The following QTMAN variants were observed in gnomAD, a reference collection of about 807,000 sequenced individuals.
QTMAN encodes the protein queuosine-tRNA mannosyltransferase, also known as tRNA-queuosine alpha-mannosyltransferase.
chr2:144,111,061 G>A, the QTMAN span, among the ~76,000 whole-genome samples: 1 of 152,182 alleles, frequency 6.6e-6, no homozygotes, highest in South Asian at 2.1e-4. Flanking sequence ...GCCAAGAGCA[G>A]TTTCTTCACC....
chr2:144,281,374 T>C, the QTMAN span, among the ~76,000 whole-genome samples: 1 of 107,710 alleles, frequency 9.3e-6, no homozygotes, highest in East Asian at 3.1e-4. Flanking sequence ...TACAAGACTC[T>C]CCATAGCAGC....
the QTMAN span, chr2:144,005,671 A>C: frequency 6.6e-6 from 1 of 152,282 alleles, no homozygotes; most frequent in East Asian, 1.9e-4. Flanking sequence ...GCACAAACAT[A>C]ATGCTGCATC....
At chr2:144,320,462 T>C in the QTMAN span, among the ~76,000 whole-genome samples, 5 of 152,190 alleles carry the variant, frequency 3.3e-5, no homozygotes, top group Admixed American at 1.3e-4. Context: ...GTTACTACAA[T>C]GCAGACAGCT....
chr2:144,187,097 G>A, the QTMAN span, among the ~76,000 whole-genome samples: 1 of 152,168 alleles, frequency 6.6e-6, no homozygotes, highest in Admixed American at 6.5e-5. Context: ...ATACTACTCT[G>A]TGGACAATCA....
chr2:144,018,840 A>G, the QTMAN span, among the ~76,000 whole-genome samples: 4 of 152,172 alleles, frequency 2.6e-5, no homozygotes, highest in Non-Finnish European at 5.9e-5. Flanking sequence ...GTGATACAAG[A>G]TGAGAACCCA....
the QTMAN span, among the ~76,000 whole-genome samples, chr2:144,327,467 A>G: frequency 6.6e-6 from 1 of 152,312 alleles, no homozygotes; most frequent in African/African-American, 2.4e-5. Context: ...CTGCATAAAA[A>G]TCACCGATTT....
chr2:144,291,455 T>C, the QTMAN span, among the ~76,000 whole-genome samples: 1 of 152,362 alleles, frequency 6.6e-6, no homozygotes, highest in South Asian at 2.1e-4. Flanking sequence ...CCATACTCAG[T>C]TCACAGTCTA....
the QTMAN span, chr2:144,211,606 T>C: frequency 2.0e-5 from 3 of 152,532 alleles, no homozygotes; most frequent in Non-Finnish European, 2.9e-5. Flanking sequence ...TCCTATTAGA[T>C]ACAAGTAAAT....
At chr2:144,153,838 C>T in the QTMAN span, among the ~76,000 whole-genome samples, 1 of 152,182 alleles carries the variant, frequency 6.6e-6, no homozygotes, top group Non-Finnish European at 1.5e-5. Context: ...AACCACGTAT[C>T]GTGCAAGGTT....
chr2:144,239,291 G>A, the QTMAN span, among the ~76,000 whole-genome samples: 1 of 152,114 alleles, frequency 6.6e-6, no homozygotes, highest in Non-Finnish European at 1.5e-5. Flanking sequence ...TTCCAAAAGA[G>A]CAATGCTACA....
the QTMAN span, chr2:144,178,899 T>C: frequency 2.2e-6 from 1 of 452,812 alleles, no homozygotes; most frequent in African/African-American, 2.0e-5. Context: ...ACCTGCTTCA[T>C]ACCAAAAGGT....
At chr2:144,179,358 G>A in the QTMAN span, among the ~76,000 whole-genome samples, 5 of 152,166 alleles carry the variant, frequency 3.3e-5, no homozygotes, top group Non-Finnish European at 5.9e-5. Flanking sequence ...AAATAATTAT[G>A]CTTTGCTTGC....
At chr2:143,955,902 A>G in the QTMAN span, among the ~76,000 whole-genome samples, 1 of 152,234 alleles carries the variant, frequency 6.6e-6, no homozygotes, top group Admixed American at 6.5e-5. Context: ...TTCAGCTGCC[A>G]GCTGTGCACA....
the QTMAN span, among the ~76,000 whole-genome samples, chr2:143,987,531 T>C: frequency 8.5e-5 from 13 of 152,210 alleles, no homozygotes; most frequent in Admixed American, 1.3e-4. Context: ...TTTCACTTAT[T>C]ATGTTGTACT....
the QTMAN span, among the ~76,000 whole-genome samples, chr2:143,971,611 C>A: frequency 6.6e-6 from 1 of 152,080 alleles, no homozygotes; most frequent in South Asian, 2.1e-4. Flanking sequence ...GTGAATATTT[C>A]AGTATTTCTT....
chr2:144,027,395 C>A, the QTMAN span, among the ~76,000 whole-genome samples: 1 of 152,152 alleles, frequency 6.6e-6, no homozygotes, highest in African/African-American at 2.4e-5. Context: ...ACTGGCCTCA[C>A]CATTCATTCT....
the QTMAN span, among the ~76,000 whole-genome samples, chr2:143,993,029 A>T: frequency 1.4e-4 from 22 of 152,340 alleles, no homozygotes; most frequent in South Asian, 4.4e-3. Flanking sequence ...AGTTTTAAAA[A>T]TTTCTTTATG....
At chr2:144,221,834 C>T in the QTMAN span, among the ~76,000 whole-genome samples, 2 of 152,252 alleles carry the variant, frequency 1.3e-5, no homozygotes, top group East Asian at 1.9e-4. Flanking sequence ...TTCAAAACAG[C>T]ATCATTTAGT....
chr2:144,032,678 G>A, the QTMAN span, among the ~76,000 whole-genome samples: 1 of 152,182 alleles, frequency 6.6e-6, no homozygotes, highest in African/African-American at 2.4e-5. Context: ...AAGTGGTGGT[G>A]GGGGACTTCA....
Sources: gnomAD v4.1 joint callset for allele counts (sites outside exome capture counted in the v4.1 genomes callset) on GRCh38, gnomAD v4.1.1 for gene constraint, MANE v1.5 for transcripts, NCBI Gene and HGNC (gene_info 2026-07-23, HGNC 2026-07-21) for gene names.